NELL1: variants seen among roughly 807,000 people sequenced by gnomAD.
NELL1 encodes protein kinase C-binding protein NELL1.
Under a neutral mutation model 107.4 loss-of-function variants are expected in NELL1, and 76 were observed. The observed-to-expected ratio is 0.71, with a 90% CI of 0.59 to 0.86. The LOEUF is 0.86. NELL1 is among the 40% of genes least tolerant of loss of function. NELL1 has a pLI of 0.00. For missense variants in NELL1, 1,024 were observed against 1,005.5 expected (o/e 1.02, Z -0.25); for synonymous variants, 353 against 341.2 (o/e 1.03, Z -0.38).
intron 15 of NELL1, among the ~76,000 whole-genome samples, chr11:21,462,260 C>G (rs1590951053): frequency 6.6e-6 from 1 of 152,094 alleles, no homozygotes; most frequent in Non-Finnish European, 1.5e-5. Context: ...GACATTGCTA[C>G]ATTTCATTTG....
At position 21,480,544 on chromosome 11, in the gene NELL1, G is replaced by A. The variant is rs147667442; in HGVS notation, c.1646-53830G>A. On this transcript the variant is annotated intron_variant, in intron 15 of 19. Transcript: ENST00000357134. ...ATATGCTAAATTGTCACACTTATCT[G>A]ACCAAAAAAATCCTAGGCAGTAATT... is the stretch of plus-strand genomic sequence containing the variant. Among the ~76,000 whole-genome samples the A allele has an allele frequency of 2.3e-3, 352 of 152,174 alleles. 2 individuals are homozygous for A. The highest frequency in any genetic ancestry group is 8.0e-3 in the African/African-American group (331 of 41,534).
chr11:21,045,092 G>A (rs1363899254), intron 12 of NELL1, among the ~76,000 whole-genome samples: 1 of 152,140 alleles, frequency 6.6e-6, no homozygotes, highest in Admixed American at 6.6e-5. Context: ...ATTATCCAGG[G>A]CAAGTAAAGG....
chr11:20,677,243 C>CT lies in NELL1; in HGVS notation c.56-683dup, dbSNP rs1267238896. 1.1e-4 allele frequency among the ~76,000 whole-genome samples: 16 copies of CT among 152,268 alleles called. No individual in the cohort carries two copies. In the East Asian group the frequency reaches 2.9e-3, roughly 28 times the overall value. On this transcript the variant is annotated intron_variant, in intron 1 of 19. Transcript: ENST00000357134. ...TCAACAGGGACAGGGTCCTTTTCCA[C>CT]TTTTTTCCTCCTTAACACAGGTGAT...
intron 2 of NELL1, among the ~76,000 whole-genome samples, chr11:20,718,825 T>C (rs150912133): frequency 1.3e-3 from 197 of 152,280 alleles, no homozygotes; most frequent in African/African-American, 4.1e-3. Flanking sequence ...CTTGGATCTT[T>C]CAAAGAGGAG....
chr11:21,208,713 C>T (rs1232946000), intron 13 of NELL1, among the ~76,000 whole-genome samples: 1 of 152,008 alleles, frequency 6.6e-6, no homozygotes, highest in East Asian at 1.9e-4. Context: ...ACTGAATCAT[C>T]TAGAGGGAGT....
chr11:21,507,133 A>G (rs922963383), intron 15 of NELL1, among the ~76,000 whole-genome samples: 1 of 152,204 alleles, frequency 6.6e-6, no homozygotes, highest in Non-Finnish European at 1.5e-5. Context: ...TCAGAATTCA[A>G]ACTCAAGACT....
chr11:21,009,300 T>G (rs1159105419), intron 12 of NELL1, among the ~76,000 whole-genome samples: 2 of 152,180 alleles, frequency 1.3e-5, no homozygotes, highest in Non-Finnish European at 2.9e-5. Flanking sequence ...CATTTATTCA[T>G]TCATCCATTC....
At chr11:21,299,030 T>A (rs1849436190) in intron 14 of NELL1, among the ~76,000 whole-genome samples, 1 of 152,024 alleles carries the variant, frequency 6.6e-6, no homozygotes. Flanking sequence ...AGATGCTTTT[T>A]ACAGTCTGTG....
intron 14 of NELL1, among the ~76,000 whole-genome samples, chr11:21,280,178 A>G (rs961107586): frequency 1.3e-5 from 2 of 152,210 alleles, no homozygotes; most frequent in African/African-American, 4.8e-5. Flanking sequence ...AATGTAAAAT[A>G]CCAAGAGTGA....
chr11:21,341,264 T>C (rs1478654294), intron 14 of NELL1, among the ~76,000 whole-genome samples: 2 of 152,198 alleles, frequency 1.3e-5, no homozygotes, highest in African/African-American at 4.8e-5. Flanking sequence ...GTGATAGAGT[T>C]CAGGAAAGGG....
chr11:20,724,772 T>A (rs1418988904), intron 2 of NELL1, among the ~76,000 whole-genome samples: 1 of 152,234 alleles, frequency 6.6e-6, no homozygotes, highest in African/African-American at 2.4e-5. Context: ...TTCCACATTT[T>A]CAGTTTATCT....
intron 3 of NELL1, among the ~76,000 whole-genome samples, chr11:20,839,778 T>C (rs1052643082): frequency 6.6e-6 from 1 of 152,156 alleles, no homozygotes; most frequent in Non-Finnish European, 1.5e-5. Context: ...TTTTTTCTGG[T>C]ATATATTCTG....
chr11:20,876,720 G>A (rs1306325723), intron 4 of NELL1, among the ~76,000 whole-genome samples: 1 of 152,104 alleles, frequency 6.6e-6, no homozygotes, highest in Non-Finnish European at 1.5e-5. Flanking sequence ...CTGAGATCGC[G>A]CCACTGCACT....
At chr11:21,528,656 T>C (rs1347447196) in intron 15 of NELL1, among the ~76,000 whole-genome samples, 2 of 133,724 alleles carry the variant, frequency 1.5e-5, no homozygotes, top group Non-Finnish European at 3.4e-5. Context: ...CAATCTCAGG[T>C]ATTCTGTTAT....
intron 3 of NELL1, among the ~76,000 whole-genome samples, chr11:20,792,548 T>A (rs1441465453): frequency 2.0e-5 from 3 of 152,012 alleles, no homozygotes; most frequent in Non-Finnish European, 4.4e-5. Context: ...ATTCCTATTT[T>A]ACTGAAAGAT....
intron 14 of NELL1, among the ~76,000 whole-genome samples, chr11:21,281,134 C>T (rs192378510): frequency 8.3e-4 from 126 of 151,846 alleles, no homozygotes; most frequent in African/African-American, 2.8e-3. Flanking sequence ...AGGATAGGCA[C>T]CAGTCACAGT....
chr11:21,156,976 C>T (rs1856253029), intron 13 of NELL1, among the ~76,000 whole-genome samples: 1 of 151,578 alleles, frequency 6.6e-6, no homozygotes. Context: ...GTGGCAGGCA[C>T]CTGTAATCTC....
chr11:21,325,421 A>G (rs1317963448), intron 14 of NELL1, among the ~76,000 whole-genome samples: 1 of 152,100 alleles, frequency 6.6e-6, no homozygotes, highest in East Asian at 1.9e-4. Flanking sequence ...CACTAAGGCT[A>G]CACCAATTTA....
intron 12 of NELL1, among the ~76,000 whole-genome samples, chr11:21,048,881 G>A (rs987335996): frequency 6.6e-6 from 1 of 152,126 alleles, no homozygotes; most frequent in Non-Finnish European, 1.5e-5. Context: ...CAGTGCTGCT[G>A]AGAGTCTCTA....
Sources: gnomAD v4.1 joint callset for allele counts (sites outside exome capture counted in the v4.1 genomes callset) on GRCh38, gnomAD v4.1.1 for gene constraint, MANE v1.5 for transcripts, NCBI Gene and HGNC (gene_info 2026-07-23, HGNC 2026-07-21) for gene names.